MTTP: variants seen among roughly 807,000 people sequenced by gnomAD.
The protein encoded by MTTP is microsomal triglyceride transfer protein large subunit.
MTTP carries 49 observed loss-of-function variants against 90.6 expected under a neutral mutation model. The observed-to-expected ratio is 0.54, with a 90% CI of 0.43 to 0.69. MTTP has a LOEUF of 0.69. MTTP is among the 30% of genes least tolerant of loss of function. The pLI is 0.00. For missense variants in MTTP, 945 were observed against 1,067.5 expected (o/e 0.89, Z 1.60); for synonymous variants, 347 against 384.2 (o/e 0.90, Z 1.13).
intron 8 of MTTP, among the ~76,000 whole-genome samples, chr4:99,599,020 G>T (rs1399387716): frequency 6.6e-6 from 1 of 152,074 alleles, no homozygotes; most frequent in African/African-American, 2.4e-5. Context: ...TGTAAAATAG[G>T]GATAATAATT....
At chr4:99,606,549 A>AT (rs549544453) in intron 10 of MTTP, among the ~76,000 whole-genome samples, 199 bp from the exon 11 acceptor site, 1 of 152,038 alleles carries the variant, frequency 6.6e-6, no homozygotes, top group Non-Finnish European at 1.5e-5. Context: ...ATGTATATGT[A>AT]TTTTTTTTAA....
Position 99,611,112 on chromosome 4 carries a change from GTGCAGCTTTTTTTTTCCTCATATGT to G in MTTP, c.1770-24_1770del. On this transcript the variant is annotated splice_polypyrimidine_tract_variant and splice_region_variant and intron_variant, in intron 12 of 17. Coordinates refer to ENST00000265517, the MANE Select transcript of MTTP (RefSeq NM_001386140.1). ...TTGGGAAACAGTCATTACAATGAAT[GTGCAGCTTTTTTTTTCCTCATATGT>G]TGCAGCAAAATTGTCCGTCGAGTTC... The G allele has an allele frequency of 6.3e-7, 1 of 1,586,740 alleles. No individual in the cohort carries two copies. Among genetic ancestry groups the G allele is most frequent in the Non-Finnish European group, 8.7e-7 (1 of 1,155,418 alleles).
chr4:99,617,220 C>T (rs934092781), intron 15 of MTTP, among the ~76,000 whole-genome samples: 1 of 152,210 alleles, frequency 6.6e-6, no homozygotes, highest in African/African-American at 2.4e-5. Context: ...TCATCCCATG[C>T]AGCCATATTT....
At chr4:99,602,692 A>G (rs917048136) in intron 10 of MTTP, among the ~76,000 whole-genome samples, 5 of 152,138 alleles carry the variant, frequency 3.3e-5, no homozygotes, top group Admixed American at 1.3e-4. Flanking sequence ...TATTATTTTT[A>G]TATTAGGGAA....
intron 10 of MTTP, among the ~76,000 whole-genome samples, chr4:99,605,981 T>TA (rs1382644545): frequency 1.3e-5 from 2 of 152,020 alleles, no homozygotes; most frequent in Non-Finnish European, 2.9e-5. Flanking sequence ...CCTTTATTTT[T>TA]AAAAAATTTT....
upstream of MTTP, among the ~76,000 whole-genome samples, chr4:99,570,451 T>G (rs1226431976): frequency 6.6e-6 from 1 of 151,980 alleles, no homozygotes; most frequent in Non-Finnish European, 1.5e-5. Flanking sequence ...TCTCTCTCTC[T>G]GATATTCTGC....
chr4:99,587,719 T>C (rs1418717506), intron 3 of MTTP, among the ~76,000 whole-genome samples: 1 of 151,750 alleles, frequency 6.6e-6, no homozygotes, highest in Non-Finnish European at 1.5e-5. Flanking sequence ...CATATAGACA[T>C]GTGTGCATTG....
chr4:99,622,628 G>A, intron 17 of MTTP, 49 bp from the exon 18 acceptor site: 1 of 1,594,610 alleles, frequency 6.3e-7, no homozygotes, highest in East Asian at 2.2e-5. Context: ...GAGGTATAGG[G>A]TGACTTAACT....
intron 2 of MTTP, 137 bp downstream of exon 2, chr4:99,582,229 C>A (rs2110212022): frequency 2.2e-6 from 2 of 891,814 alleles, no homozygotes; most frequent in Non-Finnish European, 3.5e-6. Flanking sequence ...ACAAGCAGTT[C>A]TATGTATTTA....
intron 12 of MTTP, among the ~76,000 whole-genome samples, chr4:99,609,773 C>A (rs569009464): frequency 1.3e-5 from 2 of 152,172 alleles, no homozygotes; most frequent in Admixed American, 1.3e-4. Flanking sequence ...GTGAGTAGAA[C>A]AGAGATAAGA....
upstream of MTTP, among the ~76,000 whole-genome samples, chr4:99,573,433 G>A (rs552208423): frequency 7.9e-5 from 12 of 152,040 alleles, no homozygotes; most frequent in Non-Finnish European, 1.5e-4. Context: ...TTTAACTCCC[G>A]GAAAACTTCG....
intron 3 of MTTP, among the ~76,000 whole-genome samples, chr4:99,584,685 G>A (rs1218733024): frequency 6.7e-6 from 1 of 148,688 alleles, no homozygotes; most frequent in Non-Finnish European, 1.5e-5. Context: ...CTTCCAGCCA[G>A]CTGGAAATAA....
chr4:99,622,539 G>A lies in MTTP; in HGVS notation c.2514-138G>A, dbSNP rs1012382549. On this transcript the variant is annotated intron_variant, in intron 17 of 17. Transcript: ENST00000265517. ...ATGAGAAGAAAATCACCCATTCATG[G>A]AGTAGCCTTTGACACTCATATCCTT... is the stretch of plus-strand genomic sequence containing the variant. 7 of 846,890 alleles carry A rather than the reference G, an allele frequency of 8.3e-6. 1 individual carries two copies. The highest frequency in any genetic ancestry group is 2.0e-5 in the Admixed American group (1 of 50,134). 52.5% of individuals were successfully genotyped at this position (846,890 alleles called of 1,614,324 possible).
intron 12 of MTTP, among the ~76,000 whole-genome samples, chr4:99,609,432 A>T (rs1725898569): frequency 6.6e-6 from 1 of 152,202 alleles, no homozygotes; most frequent in African/African-American, 2.4e-5. Context: ...TTTCAAGGTG[A>T]TTCAAAATTT....
chr4:99,570,705 C>A, upstream of MTTP: 1 of 455,728 alleles, frequency 2.2e-6, no homozygotes, highest in African/African-American at 2.0e-5. Context: ...TTTAGGCAGG[C>A]CCAGTATAAT....
chr4:99,570,444 C>G (rs1054214720), upstream of MTTP, among the ~76,000 whole-genome samples: 5 of 151,934 alleles, frequency 3.3e-5, no homozygotes, highest in African/African-American at 1.2e-4. Flanking sequence ...TATCTTCTCT[C>G]TCTCTCTGAT....
chr4:99,583,805 T>A, intron 3 of MTTP: 1 of 554,794 alleles, frequency 1.8e-6, no homozygotes, highest in South Asian at 2.4e-5. Flanking sequence ...AAATTTCTCA[T>A]CAAATTATAA....
At chr4:99,597,664 C>T (rs1725590322) in intron 8 of MTTP, among the ~76,000 whole-genome samples, 1 of 152,146 alleles carries the variant, frequency 6.6e-6, no homozygotes, top group Admixed American at 6.5e-5. Context: ...TTTCACTAAA[C>T]AGCCAGTTGA....
In MTTP at chr4:99,603,728, G is replaced by A. The variant is rs1725750449; in HGVS notation, c.1344+2014G>A. On this transcript the variant is annotated intron_variant, in intron 10 of 17. Coordinates refer to ENST00000265517, the MANE Select transcript of MTTP (RefSeq NM_001386140.1). ...GGCCATGTTAAGTTCAAAATCCTTT[G>A]GGTCACCAGGCTCAGTTGTCCAACA... 2.6e-5 allele frequency among the ~76,000 whole-genome samples: 4 copies of A among 152,128 alleles called. 1 individual carries two copies. In the Middle Eastern group the frequency reaches 0.01, roughly 388 times the overall value.
Sources: gnomAD v4.1 joint callset for allele counts (sites outside exome capture counted in the v4.1 genomes callset) on GRCh38, gnomAD v4.1.1 for gene constraint, MANE v1.5 for transcripts, NCBI Gene and HGNC (gene_info 2026-07-23, HGNC 2026-07-21) for gene names.